Variants in DENND1A observed in about 807,000 individuals in gnomAD.
The protein encoded by DENND1A is DENN domain containing 1A.
In DENND1A, 51 loss-of-function variants were observed where a neutral mutation model predicts 113.7. The observed-to-expected ratio is 0.45, with a 90% CI of 0.36 to 0.57. The LOEUF (loss-of-function observed/expected upper bound fraction) is 0.57. DENND1A is among the 20% of genes least tolerant of loss of function. The probability of loss-of-function intolerance (pLI) is 0.00; values close to 1 mark genes in which losing one functional copy is unlikely to be tolerated. For missense variants in DENND1A, 1,258 were observed against 1,395.9 expected, an observed-to-expected ratio of 0.90 and a Z score of 1.57; for synonymous variants, 565 against 570.8, an observed-to-expected ratio of 0.99 and a Z score of 0.14.
chr9:123,413,956 C>T, intron 19 of DENND1A: 1 of 988,986 alleles, frequency 1.0e-6, no homozygotes, highest in Non-Finnish European at 1.2e-6. Context: ...CACCACTCCC[C>T]ACAATACTGC....
chr9:123,807,476 C>T (rs1835789683), intron 2 of DENND1A, among the ~76,000 whole-genome samples: 1 of 152,142 alleles, frequency 6.6e-6, no homozygotes, highest in South Asian at 2.1e-4. Flanking sequence ...TTCTCGTCTT[C>T]GACTGTTAAT....
chr9:123,796,170 G>A (rs1290020331), intron 2 of DENND1A, among the ~76,000 whole-genome samples: 2 of 152,180 alleles, frequency 1.3e-5, no homozygotes, highest in East Asian at 1.9e-4. Flanking sequence ...CAAAGAGGCA[G>A]GTAGCTCTCA....
intron 19 of DENND1A, among the ~76,000 whole-genome samples, chr9:123,415,796 G>GGACA (rs2044678491): frequency 6.6e-6 from 1 of 152,214 alleles, no homozygotes; most frequent in Non-Finnish European, 1.5e-5. Context: ...GGGGCACAGT[G>GGACA]GACACGCTGC....
At chr9:123,473,376 C>T (rs1278453385) in intron 13 of DENND1A, among the ~76,000 whole-genome samples, 1 of 152,090 alleles carries the variant, frequency 6.6e-6, no homozygotes, top group African/African-American at 2.4e-5. Context: ...ACCACATGTG[C>T]AGAGCAGCAT....
intron 13 of DENND1A, among the ~76,000 whole-genome samples, chr9:123,546,875 T>C (rs1367583255): frequency 6.6e-6 from 1 of 152,274 alleles, no homozygotes; most frequent in East Asian, 1.9e-4. Context: ...TGAATTTCAT[T>C]TGAACATATG....
chr9:123,894,362 A>G (rs774048031), intron 1 of DENND1A, among the ~76,000 whole-genome samples: 5 of 152,272 alleles, frequency 3.3e-5, no homozygotes, highest in Non-Finnish European at 7.3e-5. Flanking sequence ...CATTCAACAC[A>G]TATTTATGAG....
At chr9:123,881,528 G>A (rs1456800927) in intron 1 of DENND1A, among the ~76,000 whole-genome samples, 1 of 152,188 alleles carries the variant, frequency 6.6e-6, no homozygotes, top group East Asian at 1.9e-4. Context: ...AGCCTTCAAA[G>A]TGTGTTCTTC....
intron 11 of DENND1A, among the ~76,000 whole-genome samples, chr9:123,607,178 T>A (rs1187498600): frequency 1.3e-5 from 2 of 151,932 alleles, no homozygotes; most frequent in African/African-American, 2.4e-5. Context: ...TTTATATTCA[T>A]CTCCATACCT....
At chr9:123,724,755 G>A (rs1421977650) in intron 5 of DENND1A, among the ~76,000 whole-genome samples, 1 of 152,132 alleles carries the variant, frequency 6.6e-6, no homozygotes, top group Non-Finnish European at 1.5e-5. Context: ...CTTAGACTAA[G>A]AGATATTCTG....
intron 19 of DENND1A, among the ~76,000 whole-genome samples, chr9:123,426,835 A>C (rs2045770288): frequency 6.6e-6 from 1 of 152,196 alleles, no homozygotes; most frequent in South Asian, 2.1e-4. Flanking sequence ...ACATGAAATC[A>C]GTTGCCACCT....
At chr9:123,625,225 C>A (rs1182445035) in intron 10 of DENND1A, among the ~76,000 whole-genome samples, 1 of 152,182 alleles carries the variant, frequency 6.6e-6, no homozygotes, top group Non-Finnish European at 1.5e-5. Context: ...CCTTGGTCTA[C>A]CAATCATCTG....
chr9:123,757,630 AATTACGGAAGAGCAATGCAGAAGCTGAC>A, intron 5 of DENND1A, 45 bp downstream of exon 5: 1 of 1,571,182 alleles, frequency 6.4e-7, no homozygotes. Context: ...TGGAAGATTT[AATTACGGAAGAGCAATGCAGAAGCTGAC>A]ATTGCTTCAG....
At chr9:123,906,945 C>T (rs535681975) in intron 1 of DENND1A, among the ~76,000 whole-genome samples, 3,593 of 119,896 alleles carry the variant, frequency 0.03, 19 homozygotes, top group Non-Finnish European at 0.036. Context: ...TGAACATTGA[C>T]GCAAAAATCC....
intron 13 of DENND1A, among the ~76,000 whole-genome samples, chr9:123,544,618 C>T (rs2056525190): frequency 6.6e-6 from 1 of 152,272 alleles, no homozygotes; most frequent in Middle Eastern, 3.4e-3. Flanking sequence ...TCTTTCCTAG[C>T]CTCAGTTTCT....
intron 2 of DENND1A, among the ~76,000 whole-genome samples, chr9:123,865,024 T>C (rs1845621613): frequency 6.6e-6 from 1 of 152,156 alleles, no homozygotes. Context: ...AGAACCTGAG[T>C]CATATTTTTG....
intron 2 of DENND1A, among the ~76,000 whole-genome samples, chr9:123,869,542 T>C (rs998293231): frequency 9.2e-5 from 14 of 152,172 alleles, no homozygotes. Context: ...GACTTTAAAA[T>C]CAGTTGAAAA....
At chr9:123,424,153 C>G (rs2045534074) in intron 19 of DENND1A, among the ~76,000 whole-genome samples, 1 of 152,142 alleles carries the variant, frequency 6.6e-6, no homozygotes, top group African/African-American at 2.4e-5. Flanking sequence ...GGGAGCTGTA[C>G]CCTCTTTCCT....
intron 13 of DENND1A, among the ~76,000 whole-genome samples, chr9:123,465,177 T>C (rs1320376663): frequency 6.7e-6 from 1 of 149,882 alleles, no homozygotes; most frequent in Non-Finnish European, 1.5e-5. Context: ...CAAGACTACG[T>C]CTCAAAAAAA....
At chr9:123,616,402 T>C (rs769352521) in intron 10 of DENND1A, among the ~76,000 whole-genome samples, 3 of 152,226 alleles carry the variant, frequency 2.0e-5, no homozygotes, top group Non-Finnish European at 4.4e-5. Context: ...TGGATAATTA[T>C]AGCTAAAAAA....
Sources: allele counts gnomAD v4.1 joint callset (sites outside exome capture counted in the v4.1 genomes callset), GRCh38; gene constraint gnomAD v4.1.1; transcripts MANE v1.5; gene names NCBI Gene and HGNC (gene_info 2026-07-23, HGNC 2026-07-21).